The following JMJD1C variants were observed in gnomAD, a reference collection of about 807,000 sequenced individuals.
JMJD1C encodes jumonji domain-containing protein 1C.
In JMJD1C, 31 loss-of-function variants were observed where a neutral mutation model predicts 245.3. The ratio of observed to expected loss-of-function variants is 0.13; its 90% CI spans 0.09 to 0.17. JMJD1C has a LOEUF of 0.17. JMJD1C is among the 10% of genes least tolerant of loss of function. The pLI is 1.00. For missense variants in JMJD1C, 2,691 were observed against 3,000.2 expected, an observed-to-expected ratio of 0.90 and a Z score of 2.41; for synonymous variants, 1,057 against 1,017.4, an observed-to-expected ratio of 1.04 and a Z score of -0.74.
intron 1 of JMJD1C, among the ~76,000 whole-genome samples, chr10:63,433,815 A>T (rs372491446): frequency 5.4e-4 from 81 of 151,220 alleles, no homozygotes; most frequent in African/African-American, 1.9e-3. Flanking sequence ...TCTTGGCCTC[A>T]AGCAATCCTC....
chr10:63,450,778 G>T (rs1160771530), intron 1 of JMJD1C, among the ~76,000 whole-genome samples: 1 of 152,146 alleles, frequency 6.6e-6, no homozygotes, highest in Non-Finnish European at 1.5e-5. Flanking sequence ...GATACCTGCT[G>T]TTGCCACTTC....
intron 10 of JMJD1C, chr10:63,202,897 T>G (rs1846183875): frequency 1.0e-6 from 1 of 976,718 alleles, no homozygotes; most frequent in Non-Finnish European, 1.2e-6. Flanking sequence ...TTTCAATTTA[T>G]TACACTAGAA....
intron 2 of JMJD1C, among the ~76,000 whole-genome samples, chr10:63,288,491 A>G (rs530747601): frequency 1.3e-5 from 2 of 152,298 alleles, no homozygotes; most frequent in Admixed American, 1.3e-4. Flanking sequence ...TGTGTTTTCA[A>G]CTCATTTGGG....
intron 1 of JMJD1C, among the ~76,000 whole-genome samples, chr10:63,408,409 A>G (rs762510258): frequency 6.6e-6 from 1 of 152,040 alleles, no homozygotes; most frequent in African/African-American, 2.4e-5. Flanking sequence ...CTCAGAAAAA[A>G]AAAACAGATA....
chr10:63,372,168 A>C (rs148357562), intron 2 of JMJD1C, among the ~76,000 whole-genome samples: 6 of 152,330 alleles, frequency 3.9e-5, no homozygotes, highest in African/African-American at 1.4e-4. Flanking sequence ...CTCTAAGAGA[A>C]TATTTTAAAA....
intron 3 of JMJD1C, among the ~76,000 whole-genome samples, chr10:63,241,417 T>G (rs1851470058): frequency 6.6e-6 from 1 of 152,166 alleles, no homozygotes; most frequent in Non-Finnish European, 1.5e-5. Flanking sequence ...TGGAAGCACA[T>G]TTTACTATTC....
Position 63,198,693 on chromosome 10 carries a change from C to G in JMJD1C, c.5311G>C (p.Asp1771His). The G allele has an allele frequency of 6.2e-7, 1 of 1,607,598 alleles. No individual in the cohort carries two copies. The highest frequency in any genetic ancestry group is 8.5e-7 in the Non-Finnish European group (1 of 1,177,376). The stretch of plus-strand genomic sequence containing the variant: ...TATTGGTCAGGAGAAGAGAAACCAT[C>G]TATTCTAACTACTCCGTTTTTACTA... Reference protein sequence around the residue: ...SFSKNGVVRIDGFSSPDQYDD... With the variant: ...SFSKNGVVRIHGFSSPDQYDD... Residue 1771 changes from aspartate to histidine, a missense_variant, in exon 12 of 26, where the codon GAT (aspartate) becomes CAT (histidine). Physicochemically the swap from Asp to His is moderately conservative, Grantham distance 81. This residue lies in a region of JMJD1C where 139 missense variants were observed against 270.5 expected (regional missense o/e 0.51). Transcript: ENST00000399262.
intron 3 of JMJD1C, among the ~76,000 whole-genome samples, chr10:63,237,081 A>C (rs927566727): frequency 6.6e-6 from 1 of 152,140 alleles, no homozygotes; most frequent in Admixed American, 6.5e-5. Context: ...CTTGTCCCCC[A>C]GGCTGGAGTG....
rs187366615 is a variant in JMJD1C, at chr10:63,490,009, C to T, written n.113+31729G>A. Among the ~76,000 whole-genome samples, 30 of 152,294 alleles carry T rather than the reference C, an allele frequency of 2.0e-4. No individual in the cohort carries two copies. In the East Asian group the frequency reaches 4.2e-3, roughly 22 times the overall value. ...AGGAGGACACTGTGAACTGAGCACA[C>T]GAAGGATCTAGGTTGCATGTTCCTT... On this transcript the variant is annotated intron_variant and non_coding_transcript_variant, in intron 1 of 3. Coordinates refer to the JMJD1C transcript ENST00000633035.
rs199670163 is a variant in JMJD1C, at chr10:63,440,340, GAAAAA to G, written c.168+25150_168+25154del. ...ACAAGAGCAACACTCTGTCTCAAAA[GAAAAA>G]AAAAAAAAATATATATATATAGAGA... On this transcript the variant is annotated intron_variant, in intron 1 of 25. Transcript: ENST00000399262. Among the ~76,000 whole-genome samples the G allele has an allele frequency of 0.028, 2,539 of 89,690 alleles. 167 individuals are homozygous for G. The East Asian group carries it at 0.28, about 10-fold the overall frequency. The allele number at this position is 89,690 out of a possible 152,430, so 58.8% of individuals were successfully genotyped here.
intron 22 of JMJD1C, among the ~76,000 whole-genome samples, chr10:63,178,348 T>G (rs1843061373): frequency 6.6e-6 from 1 of 152,196 alleles, no homozygotes. Context: ...CCCAGTTTGT[T>G]TTATGCAAAC....
At chr10:63,276,883 G>GGTTTTTT (rs1210696219) in intron 2 of JMJD1C, among the ~76,000 whole-genome samples, 2 of 41,094 alleles carry the variant, frequency 4.9e-5, no homozygotes, top group Non-Finnish European at 9.4e-5. Flanking sequence ...GAAGCTTGGG[G>GGTTTTTT]CTTTTTTTTT....
intron 2 of JMJD1C, among the ~76,000 whole-genome samples, chr10:63,326,771 C>T (rs962528202): frequency 9.2e-5 from 14 of 152,066 alleles, no homozygotes; most frequent in South Asian, 2.1e-4. Flanking sequence ...CTCAGCTAAT[C>T]GGGATGCTGA....
At chr10:63,488,400 G>GA (rs1343477384) in intron 1 of JMJD1C, among the ~76,000 whole-genome samples, 2 of 151,834 alleles carry the variant, frequency 1.3e-5, no homozygotes, top group Non-Finnish European at 2.9e-5. Flanking sequence ...ACCAGTGTGG[G>GA]AAAAAAATAT....
intron 1 of JMJD1C, among the ~76,000 whole-genome samples, chr10:63,463,086 T>C (rs940474761): frequency 2.6e-5 from 4 of 152,196 alleles, no homozygotes; most frequent in Admixed American, 1.3e-4. Flanking sequence ...AACAGGTTTT[T>C]AATTATACAT....
At chr10:63,408,280 G>T (rs1177089174) in intron 1 of JMJD1C, among the ~76,000 whole-genome samples, 1 of 152,042 alleles carries the variant, frequency 6.6e-6, no homozygotes, top group Non-Finnish European at 1.5e-5. Context: ...GCGGGCGCCT[G>T]TAATCCCAGT....
intron 1 of JMJD1C, among the ~76,000 whole-genome samples, chr10:63,395,383 CAGG>C (rs1371216434): frequency 6.6e-6 from 1 of 152,076 alleles, no homozygotes. Flanking sequence ...GAGGCTGAGG[CAGG>C]AGAATGGCGT....
chr10:63,354,919 AG>A (rs1301634179), intron 2 of JMJD1C, among the ~76,000 whole-genome samples: 1 of 150,074 alleles, frequency 6.7e-6, no homozygotes, highest in African/African-American at 2.5e-5. Context: ...GCTACTTGGG[AG>A]GCTGAGGTGG....
At chr10:63,313,380 T>C (rs1187400628) in intron 2 of JMJD1C, among the ~76,000 whole-genome samples, 2 of 152,188 alleles carry the variant, frequency 1.3e-5, no homozygotes, top group African/African-American at 4.8e-5. Context: ...ATTTTTGTAA[T>C]TCTAAATTGT....
Sources: allele counts gnomAD v4.1 joint callset (sites outside exome capture counted in the v4.1 genomes callset), GRCh38; gene constraint gnomAD v4.1.1; regional missense constraint gnomAD v4.1.1; transcripts MANE v1.5; gene names NCBI Gene and HGNC (gene_info 2026-07-23, HGNC 2026-07-21).